Variants in MAML2 observed in about 807,000 individuals in gnomAD.
MAML2 encodes mastermind like transcriptional coactivator 2.
Under a neutral mutation model 96.1 loss-of-function variants are expected in MAML2, and 22 were observed. The ratio of observed to expected loss-of-function variants is 0.23; its 90% CI spans 0.16 to 0.33. MAML2 has a LOEUF of 0.33. Ranked by LOEUF, MAML2 falls within the 10% of genes least tolerant of loss-of-function variation. The pLI is 1.00. For missense variants in MAML2, 1,367 were observed against 1,392.4 expected (o/e 0.98, Z 0.29); for synonymous variants, 561 against 521.3 (o/e 1.08, Z -1.04).
At chr11:95,979,990 G>T (rs1392476874) in intron 4 of MAML2, 27 bp from the exon 5 acceptor site, 17 of 1,566,574 alleles carry the variant, frequency 1.1e-5, no homozygotes, top group Non-Finnish European at 1.4e-5. Context: ...AATTTTATTA[G>T]TTCGTAGCAG....
At chr11:96,274,551 T>C (rs975346810) in intron 1 of MAML2, among the ~76,000 whole-genome samples, 4 of 152,210 alleles carry the variant, frequency 2.6e-5, no homozygotes, top group Non-Finnish European at 5.9e-5. Flanking sequence ...TAGTTATTTC[T>C]ATTATGAAAA....
intron 1 of MAML2, among the ~76,000 whole-genome samples, chr11:96,211,113 T>C (rs1466691475): frequency 6.6e-6 from 1 of 152,188 alleles, no homozygotes; most frequent in Non-Finnish European, 1.5e-5. Flanking sequence ...GAAATTTAAG[T>C]GGATTAAAGT....
intron 2 of MAML2, among the ~76,000 whole-genome samples, chr11:96,017,264 G>C (rs1490122323): frequency 6.6e-6 from 1 of 152,202 alleles, no homozygotes; most frequent in Admixed American, 6.5e-5. Flanking sequence ...TGGAAAAGCA[G>C]ATGTGCTTTG....
At chr11:96,029,060 C>A (rs1031440899) in intron 2 of MAML2, among the ~76,000 whole-genome samples, 17 of 152,022 alleles carry the variant, frequency 1.1e-4, no homozygotes, top group African/African-American at 3.6e-4. Flanking sequence ...ACATTTTGAA[C>A]TGAATTTTAC....
chr11:96,281,433 G>T (rs1469484868), intron 1 of MAML2, among the ~76,000 whole-genome samples: 1 of 152,142 alleles, frequency 6.6e-6, no homozygotes, highest in Non-Finnish European at 1.5e-5. Context: ...AAGCAGGAAT[G>T]GGGCTGCAAA....
At chr11:96,307,545 A>G (rs1166375258) in intron 1 of MAML2, among the ~76,000 whole-genome samples, 1 of 152,038 alleles carries the variant, frequency 6.6e-6, no homozygotes. Context: ...GGGGAGGGGG[A>G]AATGCCATCT....
rs755867583 is a variant in MAML2, at chr11:96,093,408, A to G, written c.623T>C (p.Val208Ala). 1.6e-5 allele frequency: 26 copies of G among 1,614,036 alleles called. No homozygotes were observed. Among genetic ancestry groups the G allele is most frequent in the Non-Finnish European group, 2.1e-5 (25 of 1,179,882 alleles). The part of the protein sequence containing the change: ...NSFLDIKRIR[V>A]GENLSAGQGG... Reference sequence around the variant, plus strand: ...TTGTCCTGCAGAGAGATTCTCCCCAACACGAATTCTTTTGATATCAAGAAA... The same window carrying G: ...TTGTCCTGCAGAGAGATTCTCCCCAGCACGAATTCTTTTGATATCAAGAAA... Residue 208 changes from valine (V) to alanine (A), a missense_variant, in exon 2 of 5, where the codon GTT (valine) becomes GCT (alanine). Coordinates refer to ENST00000524717, the MANE Select transcript of MAML2 (RefSeq NM_032427.4).
chr11:96,264,036 G>C (rs961924875), intron 1 of MAML2, among the ~76,000 whole-genome samples: 1 of 152,176 alleles, frequency 6.6e-6, no homozygotes, highest in African/African-American at 2.4e-5. Context: ...AAAAGACCCA[G>C]ATCACTTCTT....
At chr11:96,293,981 T>C (rs1010672469) in intron 1 of MAML2, among the ~76,000 whole-genome samples, 1 of 152,200 alleles carries the variant, frequency 6.6e-6, no homozygotes, top group African/African-American at 2.4e-5. Flanking sequence ...GACTATTCAA[T>C]TGCAGTTGGA....
chr11:96,099,000 G>T (rs971056119), intron 1 of MAML2, among the ~76,000 whole-genome samples: 1 of 151,544 alleles, frequency 6.6e-6, no homozygotes, highest in South Asian at 2.1e-4. Context: ...CTTTGTCTCC[G>T]GTGCTGCCCT....
At chr11:96,279,201 T>C (rs1863030246) in intron 1 of MAML2, among the ~76,000 whole-genome samples, 1 of 152,192 alleles carries the variant, frequency 6.6e-6, no homozygotes, top group African/African-American at 2.4e-5. Context: ...ATTAGGCAGT[T>C]AGATATGTAG....
rs545300885 is a variant in MAML2 at position 96,045,916 on chromosome 11, T to G, written c.2139+45976A>C. Among the ~76,000 whole-genome samples, 4 of 150,366 alleles carry G rather than the reference T, an allele frequency of 2.7e-5. No individual in the cohort carries two copies. The South Asian group carries it at 8.7e-4, about 33-fold the overall frequency. On this transcript the variant is annotated intron_variant, in intron 2 of 4. Coordinates refer to ENST00000524717, the MANE Select transcript of MAML2 (RefSeq NM_032427.4). The stretch of plus-strand genomic sequence containing the variant: ...AGCACACTTCTGTTTTTTTTTTTTT[T>G]TTCCCCCATTCCTGTTATTGTTTTT...
At chr11:96,098,507 C>G (rs1859871064) in intron 1 of MAML2, among the ~76,000 whole-genome samples, 1 of 152,224 alleles carries the variant, frequency 6.6e-6, no homozygotes, top group African/African-American at 2.4e-5. Context: ...CACCCTTTCA[C>G]TGGCCATCCG....
chr11:96,149,893 G>GCTCTGCCTGT (rs1860892656), intron 1 of MAML2, among the ~76,000 whole-genome samples: 1 of 151,472 alleles, frequency 6.6e-6, no homozygotes, highest in Non-Finnish European at 1.5e-5. Context: ...TCTCTGCCTG[G>GCTCTGCCTGT]CTCTGCCTGT....
rs1035221765 is a variant in MAML2, at chr11:95,998,138, G to A, written c.2140-6415C>T. Among the ~76,000 whole-genome samples the A allele has an allele frequency of 5.8e-5, 8 of 138,210 alleles. No homozygotes were observed. In the Admixed American group the frequency reaches 6.0e-4, roughly 10 times the overall value. The allele number at this position is 138,210 out of a possible 152,430, so 90.7% of individuals were successfully genotyped here. ...TTTCTATCTATCTGTCTGTCTGTCT[G>A]TCAGTCTGTCTGTCTGTCTGTCTGT... On this transcript the variant is annotated intron_variant, in intron 2 of 4. Coordinates refer to ENST00000524717, the MANE Select transcript of MAML2 (RefSeq NM_032427.4).
Position 96,093,319 on chromosome 11 carries a change from C to A in MAML2, c.712G>T (p.Ala238Ser). 6.2e-7 allele frequency: 1 copy of A among 1,613,966 alleles called. No individual in the cohort carries two copies. Among genetic ancestry groups the A allele is most frequent in the Admixed American group, 1.7e-5 (1 of 60,020 alleles). ...IMSGTLPMSQAPLRKTNTLPS... is the reference protein window; with the variant it reads ...IMSGTLPMSQSPLRKTNTLPS... ...AGAGTGTTAGTCTTTCGCAGGGGTG[C>A]TTGGCTCATAGGCAAGGTCCCTGAC... Residue 238 changes from alanine to serine, a missense_variant, in exon 2 of 5, where the codon GCA becomes TCA. Coordinates refer to ENST00000524717, the MANE Select transcript of MAML2 (RefSeq NM_032427.4).
chr11:96,246,732 A>C (rs1479675215), intron 1 of MAML2, among the ~76,000 whole-genome samples: 1 of 152,126 alleles, frequency 6.6e-6, no homozygotes, highest in Non-Finnish European at 1.5e-5. Flanking sequence ...GGCTGCACTT[A>C]CTGCAGTATC....
chr11:96,270,455 G>C (rs946993965), intron 1 of MAML2, among the ~76,000 whole-genome samples: 7 of 152,026 alleles, frequency 4.6e-5, no homozygotes, highest in African/African-American at 1.7e-4. Context: ...GATTACAGAC[G>C]GGTGCCACCA....
intron 1 of MAML2, among the ~76,000 whole-genome samples, chr11:96,330,829 C>T (rs1201277192): frequency 6.6e-6 from 1 of 152,166 alleles, no homozygotes; most frequent in Non-Finnish European, 1.5e-5. Context: ...TAGCACATGT[C>T]ATTTATGTCA....
Sources: allele counts gnomAD v4.1 joint callset (sites outside exome capture counted in the v4.1 genomes callset), GRCh38; gene constraint gnomAD v4.1.1; transcripts MANE v1.5; gene names NCBI Gene and HGNC (gene_info 2026-07-23, HGNC 2026-07-21).